The following RMDN3 variants were observed in gnomAD, a reference collection of about 807,000 sequenced individuals.
The protein encoded by RMDN3 is regulator of microtubule dynamics 3.
A neutral mutation model predicts 61.8 loss-of-function variants in RMDN3; 41 were observed. The observed-to-expected ratio is 0.66, with a 90% CI of 0.52 to 0.86. RMDN3 has a LOEUF of 0.86. Ranked by LOEUF, RMDN3 falls within the 40% of genes least tolerant of loss-of-function variation. The probability of loss-of-function intolerance (pLI) is 0.00; values close to 1 mark genes in which losing one functional copy is unlikely to be tolerated. For synonymous variants in RMDN3, 247 were observed against 232.0 expected (o/e 1.06, Z -0.59); for missense variants, 557 against 585.3 (o/e 0.95, Z 0.50).
Position 40,740,209 on chromosome 15 carries a change from A to T in RMDN3, c.911-16T>A, listed in dbSNP as rs1339741531. On this transcript the variant is annotated splice_polypyrimidine_tract_variant and intron_variant, in intron 6 of 12. Coordinates refer to ENST00000338376, the MANE Select transcript of RMDN3 (RefSeq NM_018145.3). The stretch of plus-strand genomic sequence containing the variant: ...TCTTCTTTTCCTGTAGGACGAAGGT[A>T]GATCCAGAGTTGACATAGCTCTTAT... 30 of 1,593,346 alleles carry T rather than the reference A, an allele frequency of 1.9e-5. No homozygotes were observed. Among genetic ancestry groups the T allele is most frequent in the Non-Finnish European group, 2.4e-5 (28 of 1,162,704 alleles).
Position 40,738,674 on chromosome 15 carries a change from C to G in RMDN3, c.972-98G>C, listed in dbSNP as rs573891247. On this transcript the variant is annotated intron_variant, in intron 7 of 12. Coordinates refer to ENST00000338376, the MANE Select transcript of RMDN3 (RefSeq NM_018145.3). ...AGCCTAGTTGCATTGTCCCCTATCC[C>G]TGTACCCTCAACTAGAGCTGAAAAT... 1.7e-4 allele frequency: 190 copies of G among 1,146,024 alleles called. No homozygotes were observed. In the East Asian group the frequency reaches 4.3e-3, roughly 26 times the overall value. The allele number at this position is 1,146,024 out of a possible 1,614,324, so 71.0% of individuals were successfully genotyped here. A position where few individuals can be genotyped will look rare whatever the true frequency, so the allele number is the denominator to read the frequency against.
chr15:40,745,037 G>C lies in RMDN3; in HGVS notation c.747C>G (p.His249Gln), dbSNP rs1897460559. The change falls in exon 5 of 13, where the codon CAC (histidine) becomes CAG (glutamine). Residue 249 changes from histidine to glutamine, a missense_variant. Transcript: ENST00000338376. ...CCCGCTTGCCTTGCTCATCACCCCT[G>C]TGCAGCTCGTCGGCCTGCTGCAGGA... ...LPLLQQADEL[H>Q]RGDEQGKREG... 6.2e-7 allele frequency: 1 copy of C among 1,613,986 alleles called. No individual in the cohort carries two copies. The highest frequency in any genetic ancestry group is 8.5e-7 in the Non-Finnish European group (1 of 1,180,010).
intron 4 of RMDN3, among the ~76,000 whole-genome samples, chr15:40,748,807 C>G (rs1897687556): frequency 6.6e-6 from 1 of 152,080 alleles, no homozygotes; most frequent in African/African-American, 2.4e-5. Flanking sequence ...ACCATGTTGG[C>G]CGGGCTGGTC....
Position 40,751,434 on chromosome 15 carries a change from A to G in RMDN3, c.516T>C (p.Ser172=). The part of the protein sequence containing the change: ...SSGATFTDAE[S]EGGYTTANAE... ...CAAGAGAGACAACTCACCCCCCTTC[A>G]CTCTCAGCATCTGTGAACGTGGCTC... is the stretch of plus-strand genomic sequence containing the variant. The change falls in exon 4 of 13, where the codon AGT becomes AGC. Residue 172 remains serine (S), a synonymous_variant. Coordinates refer to ENST00000338376, the MANE Select transcript of RMDN3 (RefSeq NM_018145.3). 6.2e-7 allele frequency: 1 copy of G among 1,613,796 alleles called. No homozygotes were observed. The highest frequency in any genetic ancestry group is 8.5e-7 in the Non-Finnish European group (1 of 1,179,896).
intron 8 of RMDN3, among the ~76,000 whole-genome samples, chr15:40,738,257 A>T (rs1897141650): frequency 6.6e-6 from 1 of 152,124 alleles, no homozygotes. Context: ...GCATGGTGGT[A>T]CATGCCTGTA....
Position 40,755,193 on chromosome 15 carries a change from C to T in RMDN3, c.-118G>A, listed in dbSNP as rs1897995647. 6.3e-6 allele frequency: 1 copy of T among 158,598 alleles called. No individual in the cohort carries two copies. Among genetic ancestry groups the T allele is most frequent in the African/African-American group, 2.4e-5 (1 of 41,686 alleles). The allele number at this position is 158,598 out of a possible 1,614,324, so 9.8% of individuals were successfully genotyped here. A position where few individuals can be genotyped will look rare whatever the true frequency, so the allele number is the denominator to read the frequency against. On this transcript the variant is annotated 5_prime_UTR_variant, in exon 1 of 13. Coordinates refer to ENST00000338376, the MANE Select transcript of RMDN3 (RefSeq NM_018145.3). ...GGCCTGGCAGGAGATCCACTCAGAC[C>T]CTTACCCGGCCGCCAGCCACCATGG...
At chr15:40,739,325 G>A (rs1219305725) in intron 7 of RMDN3, 2 of 152,152 alleles carry the variant, frequency 1.3e-5, no homozygotes, top group African/African-American at 4.8e-5. Flanking sequence ...TACTTCTAGA[G>A]GCTCATTTCC....
chr15:40,750,504 C>T (rs1319383013), intron 4 of RMDN3, among the ~76,000 whole-genome samples: 2 of 151,952 alleles, frequency 1.3e-5, no homozygotes, highest in Admixed American at 6.6e-5. Flanking sequence ...TATGTAGAGA[C>T]GTGGTCTTGC....
intron 6 of RMDN3, among the ~76,000 whole-genome samples, chr15:40,740,936 T>C (rs1375478237): frequency 6.6e-6 from 1 of 151,586 alleles, no homozygotes; most frequent in African/African-American, 2.4e-5. Flanking sequence ...AAATATAAAA[T>C]TAGCCAGGCA....
At chr15:40,751,279 T>TAAAA (rs1897808529) in intron 4 of RMDN3, 147 bp downstream of exon 4, 1 of 996,646 alleles carries the variant, frequency 1.0e-6, no homozygotes, top group African/African-American at 1.6e-5. Context: ...TTGGATGGGT[T>TAAAA]TTTTGTTTCA....
chr15:40,752,612 T>C (rs528194236), intron 2 of RMDN3, among the ~76,000 whole-genome samples: 2 of 152,168 alleles, frequency 1.3e-5, no homozygotes, highest in East Asian at 3.9e-4. Flanking sequence ...ACTTCACAAA[T>C]AATAGTAGGG....
intron 2 of RMDN3, 82 bp from the exon 3 acceptor site, chr15:40,752,260 C>A: frequency 7.2e-7 from 1 of 1,397,570 alleles, no homozygotes; most frequent in Non-Finnish European, 9.8e-7. Flanking sequence ...TCAAGAATAC[C>A]TGCTTTCCAT....
intron 6 of RMDN3, among the ~76,000 whole-genome samples, chr15:40,741,192 G>C (rs923885108): frequency 6.9e-6 from 1 of 144,424 alleles, no homozygotes; most frequent in Non-Finnish European, 1.5e-5. Context: ...TAAGTGGGGA[G>C]AGAGATCACA....
chr15:40,750,229 T>C (rs1204912714), intron 4 of RMDN3, among the ~76,000 whole-genome samples: 1 of 146,630 alleles, frequency 6.8e-6, no homozygotes, highest in Non-Finnish European at 1.5e-5. Context: ...TTTTTTTTTT[T>C]TTTTCTTTGA....
In RMDN3 at chr15:40,737,131, G is replaced by A. The variant is rs534995621; in HGVS notation, c.1352C>T (p.Thr451Met). The A allele has an allele frequency of 3.7e-5, 60 of 1,613,948 alleles. No individual in the cohort carries two copies. The South Asian group carries it at 4.4e-4, about 12-fold the overall frequency. ...MKLALELPDV[T>M]KEDLAIQKDL... ...AGTATTAAAAAGCCTTACCTCCTTC[G>A]TGACATCTGGCAGCTCCAGGGCCAA... is the stretch of plus-strand genomic sequence containing the variant. The change falls in exon 12 of 13, where the codon ACG (threonine) becomes ATG (methionine). Residue 451 changes from threonine to methionine, a missense_variant. Physicochemically the swap from Thr to Met is moderately conservative, Grantham distance 81. Transcript: ENST00000338376.
At position 40,737,164 on chromosome 15, in the gene RMDN3, C is replaced by T; in HGVS notation, c.1319G>A (p.Trp440Ter). Residue 440 changes from tryptophan (W) to a stop codon, truncating the protein, a stop_gained, in exon 12 of 13, where the codon TGG becomes TAG. Transcript: ENST00000338376. LOFTEE classifies it high-confidence loss of function. Reference protein sequence around the residue: ...ELGKNSEARWWMKLALELPDV... With the variant: ...ELGKNSEARW ...TGGCAGCTCCAGGGCCAACTTCATC[C>T]ACCATCTAGCTTCAGAGTTTTTCCC... The T allele has an allele frequency of 6.2e-7, 1 of 1,614,226 alleles. No homozygotes were observed. Among genetic ancestry groups the T allele is most frequent in the Non-Finnish European group, 8.5e-7 (1 of 1,180,034 alleles).
chr15:40,744,391 T>A (rs528537718), intron 5 of RMDN3: 2 of 440,972 alleles, frequency 4.5e-6, no homozygotes, highest in East Asian at 8.8e-5. Context: ...CATTCTGACC[T>A]CCTAGAACTG....
chr15:40,738,507 G>A lies in RMDN3; in HGVS notation c.1041C>T (p.Ser347=). 1.2e-6 allele frequency: 2 copies of A among 1,614,136 alleles called. No homozygotes were observed. The change falls in exon 8 of 13, where the codon AGC becomes AGT. Residue 347 remains serine (S), a synonymous_variant. Coordinates refer to ENST00000338376, the MANE Select transcript of RMDN3 (RefSeq NM_018145.3). ...AGGAAAAGCCTGTCCTCACCTTGAAGCTAAAGCCACTCTGGATGCGCCTCT... is the reference window on the plus strand; with the variant it reads ...AGGAAAAGCCTGTCCTCACCTTGAAACTAAAGCCACTCTGGATGCGCCTCT... ...SIQRRIQSGF[S]FKEHVDKAIA... is the part of the protein sequence containing the mutation.
At chr15:40,743,186 C>T (rs1897349890) in intron 6 of RMDN3, among the ~76,000 whole-genome samples, 1 of 152,080 alleles carries the variant, frequency 6.6e-6, no homozygotes, top group Non-Finnish European at 1.5e-5. Flanking sequence ...TTTGGGAGGC[C>T]TAGGTGGGTG....
Sources: gnomAD v4.1 joint callset for allele counts (sites outside exome capture counted in the v4.1 genomes callset) on GRCh38, gnomAD v4.1.1 for gene constraint, MANE v1.5 for transcripts, NCBI Gene and HGNC (gene_info 2026-07-23, HGNC 2026-07-21) for gene names.